CDH12: variants seen among roughly 807,000 people sequenced by gnomAD.
CDH12 encodes cadherin-12.
In CDH12, 41 loss-of-function variants were observed where a neutral mutation model predicts 74.1. The observed-to-expected ratio is 0.55, with a 90% CI of 0.43 to 0.72. The LOEUF (loss-of-function observed/expected upper bound fraction) is 0.72, where lower values mean the gene tolerates loss of function less well. CDH12 is among the 30% of genes least tolerant of loss of function. The pLI is 0.00. For missense variants in CDH12, 945 were observed against 977.2 expected (o/e 0.97, Z 0.44); for synonymous variants, 399 against 355.0 (o/e 1.12, Z -1.39).
At chr5:22,681,517 G>A (rs1028206550) in intron 1 of CDH12, among the ~76,000 whole-genome samples, 7 of 151,920 alleles carry the variant, frequency 4.6e-5, no homozygotes, top group African/African-American at 1.2e-4. Flanking sequence ...CTGTCACATC[G>A]CTTCACTTGT....
intron 1 of CDH12, among the ~76,000 whole-genome samples, chr5:22,707,116 ACACCC>A (rs1319556004): frequency 3.9e-5 from 6 of 152,238 alleles, no homozygotes; most frequent in African/African-American, 1.4e-4. Context: ...CAACCTAATC[ACACCC>A]CACCCACATT....
At chr5:22,382,673 A>T (rs1274408980) in intron 3 of CDH12, among the ~76,000 whole-genome samples, 1 of 152,014 alleles carries the variant, frequency 6.6e-6, no homozygotes, top group East Asian at 1.9e-4. Flanking sequence ...ATGTGCATAT[A>T]CAACCTGCCA....
At chr5:21,808,441 A>G (rs1459986855) in intron 9 of CDH12, among the ~76,000 whole-genome samples, 1 of 151,666 alleles carries the variant, frequency 6.6e-6, no homozygotes, top group East Asian at 1.9e-4. Context: ...ATAAGGCTCT[A>G]CACTCTCAAT....
In CDH12 at chr5:22,758,119, C is replaced by A. The variant is rs141203248; in HGVS notation, c.-523+94939G>T. Among the ~76,000 whole-genome samples the A allele has an allele frequency of 1.7e-3, 261 of 152,176 alleles. 5 individuals carry two copies. The East Asian group carries it at 0.043, about 25-fold the overall frequency. ...GCTGGAGACTGATAGTGCAGGCGGC[C>A]GATACCCATGGCAGGAGCTCTCGTC... On this transcript the variant is annotated intron_variant, in intron 1 of 14. Transcript: ENST00000382254.
rs60534561 is a variant in CDH12, at chr5:21,797,184, G to GTGA, written c.1256+4980_1256+4982dup. On this transcript the variant is annotated intron_variant, in intron 10 of 14. Coordinates refer to ENST00000382254, the MANE Select transcript of CDH12 (RefSeq NM_004061.5). ...TTGATGTGGCTCTTTGCTGTGCTTA[G>GTGA]TGATGATGATGATGATGATGATGAT... Among the ~76,000 whole-genome samples the GTGA allele has an allele frequency of 2.7e-3, 410 of 151,320 alleles. 2 individuals carry two copies. Among genetic ancestry groups the GTGA allele is most frequent in the South Asian group, 4.4e-3 (21 of 4,788 alleles).
chr5:22,591,271 A>G (rs1349302137), intron 1 of CDH12, among the ~76,000 whole-genome samples: 1 of 152,156 alleles, frequency 6.6e-6, no homozygotes, highest in Admixed American at 6.5e-5. Flanking sequence ...AAAATACAAT[A>G]TTTGAGCTTG....
rs184737282 is a variant in CDH12, at chr5:22,255,359, A to G, written c.-332-42716T>C. Among the ~76,000 whole-genome samples the G allele has an allele frequency of 2.4e-3, 369 of 151,862 alleles. 3 individuals carry two copies. The highest frequency in any genetic ancestry group is 8.7e-3 in the African/African-American group (363 of 41,508). ...TCATGAAAAGTATTATTTTTTACAT[A>G]CAAATACCTATAATTATTAATTATA... On this transcript the variant is annotated intron_variant, in intron 3 of 14. Coordinates refer to ENST00000382254, the MANE Select transcript of CDH12 (RefSeq NM_004061.5).
At chr5:22,516,998 TTTG>T (rs1312831197) in intron 1 of CDH12, among the ~76,000 whole-genome samples, 1 of 152,082 alleles carries the variant, frequency 6.6e-6, no homozygotes, top group Non-Finnish European at 1.5e-5. Flanking sequence ...AAAGCTAATT[TTTG>T]TTGTTTTCAT....
intron 1 of CDH12, among the ~76,000 whole-genome samples, chr5:22,835,820 G>GT (rs1330548676): frequency 2.0e-5 from 3 of 152,118 alleles, no homozygotes; most frequent in African/African-American, 7.2e-5. Flanking sequence ...ATCATCTCCT[G>GT]TTTCCATACT....
At chr5:22,508,686 T>C (rs1291620384) in intron 1 of CDH12, among the ~76,000 whole-genome samples, 1 of 152,140 alleles carries the variant, frequency 6.6e-6, no homozygotes, top group Non-Finnish European at 1.5e-5. Flanking sequence ...CCCAGGTCTT[T>C]AGACAAACTC....
chr5:22,098,408 A>G (rs1255000293), intron 4 of CDH12, among the ~76,000 whole-genome samples: 1 of 152,152 alleles, frequency 6.6e-6, no homozygotes, highest in Non-Finnish European at 1.5e-5. Flanking sequence ...CTTACACAAG[A>G]GCCAGGACCC....
chr5:21,832,793 A>G (rs1054127446), intron 8 of CDH12, among the ~76,000 whole-genome samples: 5 of 102,280 alleles, frequency 4.9e-5, no homozygotes, highest in African/African-American at 2.2e-4. Context: ...TATATCATAT[A>G]ATATATATAT....
chr5:22,179,581 A>G (rs115417793), intron 4 of CDH12, among the ~76,000 whole-genome samples: 10,159 of 152,298 alleles, frequency 0.067, 452 homozygotes, highest in South Asian at 0.15. Context: ...AACGGCTTGA[A>G]GATTACCTTA....
chr5:21,751,687 CT>C lies in CDH12; in HGVS notation c.*49del, dbSNP rs757666116. The C allele has an allele frequency of 6.8e-6, 10 of 1,466,280 alleles. No individual in the cohort carries two copies. Among genetic ancestry groups the C allele is most frequent in the Admixed American group, 4.4e-5 (2 of 45,056 alleles). The allele number at this position is 1,466,280 out of a possible 1,614,324, so 90.8% of individuals were successfully genotyped here. A position where few individuals can be genotyped will look rare whatever the true frequency, so the allele number is the denominator to read the frequency against. ...TCTATTAATATTTGTGTTTCTTTTT[CT>C]TTTTTAAAAATCTCCCCTCTCGGTT... On this transcript the variant is annotated 3_prime_UTR_variant, in exon 15 of 15. Coordinates refer to ENST00000382254, the MANE Select transcript of CDH12 (RefSeq NM_004061.5).
chr5:22,493,106 C>T (rs1746955145), intron 2 of CDH12, among the ~76,000 whole-genome samples: 1 of 152,118 alleles, frequency 6.6e-6, no homozygotes, highest in Admixed American at 6.5e-5. Context: ...ATTGTAAATT[C>T]TTTTCTCACA....
intron 4 of CDH12, among the ~76,000 whole-genome samples, chr5:22,079,476 C>T (rs138178306): frequency 1.2e-4 from 18 of 152,110 alleles, no homozygotes; most frequent in African/African-American, 3.4e-4. Context: ...AAGATACAGA[C>T]GATCTAAAGA....
chr5:22,666,247 T>C lies in CDH12; in HGVS notation c.-522-160883A>G, dbSNP rs537745232. Reference sequence around the variant, plus strand: ...TTCTCACAGTCTGGCAATTTTATGTTTGTGTAAGATTATGGGATTTCTGTA... The same window carrying C: ...TTCTCACAGTCTGGCAATTTTATGTCTGTGTAAGATTATGGGATTTCTGTA... On this transcript the variant is annotated intron_variant, in intron 1 of 14. Transcript: ENST00000382254. Among the ~76,000 whole-genome samples, 12 of 151,988 alleles carry C rather than the reference T, an allele frequency of 7.9e-5. No homozygotes were observed. The East Asian group carries it at 2.3e-3, about 29-fold the overall frequency.
At chr5:22,395,774 T>C (rs1580603851) in intron 3 of CDH12, among the ~76,000 whole-genome samples, 1 of 152,102 alleles carries the variant, frequency 6.6e-6, no homozygotes, top group African/African-American at 2.4e-5. Flanking sequence ...TGGAGCTGTA[T>C]GAAGTATCCT....
intron 5 of CDH12, among the ~76,000 whole-genome samples, chr5:22,072,530 TTGTGTGTGTGTGTGTGTG>T (rs36214247): frequency 1.8e-4 from 27 of 146,242 alleles, no homozygotes; most frequent in Admixed American, 1.0e-3. Flanking sequence ...TATAGCACTT[TTGTGTGTGTGTGTGTGTG>T]TGTGTGTGTG....
Sources: gnomAD v4.1 joint callset for allele counts (sites outside exome capture counted in the v4.1 genomes callset) on GRCh38, gnomAD v4.1.1 for gene constraint, MANE v1.5 for transcripts, NCBI Gene and HGNC (gene_info 2026-07-23, HGNC 2026-07-21) for gene names.